The following KIAA1217 variants were observed in gnomAD, a reference collection of about 807,000 sequenced individuals.
KIAA1217 encodes the protein sickle tail protein homolog.
In KIAA1217, 88 loss-of-function variants were observed where a neutral mutation model predicts 163.9. The ratio of observed to expected loss-of-function variants is 0.54; its 90% CI spans 0.45 to 0.64. The LOEUF (loss-of-function observed/expected upper bound fraction) is 0.64. KIAA1217 is among the 30% of genes least tolerant of loss of function. The pLI is 0.00. For synonymous variants in KIAA1217, 903 were observed against 923.1 expected, an observed-to-expected ratio of 0.98 and a Z score of 0.39; for missense variants, 2,372 against 2,475.0, an observed-to-expected ratio of 0.96 and a Z score of 0.88.
intron 5 of KIAA1217, among the ~76,000 whole-genome samples, chr10:24,470,299 C>T (rs1417461350): frequency 6.6e-6 from 1 of 152,172 alleles, no homozygotes; most frequent in Non-Finnish European, 1.5e-5. Flanking sequence ...GGTTGCCCAG[C>T]CTCCCTGGAA....
intron 2 of KIAA1217, among the ~76,000 whole-genome samples, chr10:24,254,467 G>A (rs763372714): frequency 6.6e-6 from 1 of 152,206 alleles, no homozygotes; most frequent in South Asian, 2.1e-4. Flanking sequence ...AAAACAGTTA[G>A]GTGGGTTGGG....
chr10:23,839,242 C>T (rs1312308469), intron 1 of KIAA1217, among the ~76,000 whole-genome samples: 1 of 152,064 alleles, frequency 6.6e-6, no homozygotes, highest in Admixed American at 6.6e-5. Flanking sequence ...TGTTTCATGG[C>T]CTGATTAAAT....
At chr10:24,410,091 G>A (rs2057624365) in intron 3 of KIAA1217, among the ~76,000 whole-genome samples, 1 of 149,652 alleles carries the variant, frequency 6.7e-6, no homozygotes, top group Non-Finnish European at 1.5e-5. Context: ...CCGCCTCCCG[G>A]GTTCAAGCGA....
At position 24,524,517 on chromosome 10, in the gene KIAA1217, T is replaced by A; in HGVS notation, c.2651T>A (p.Val884Asp). ...SEVVPLSGMM[V>D]RHAQSSPVVI... is the part of the protein sequence containing the mutation. The stretch of plus-strand genomic sequence containing the variant: ...GTGGTGCCTTTGTCCGGCATGATGG[T>A]TCGCCACGCGCAGAGCTCCCCTGTG... The change falls in exon 13 of 21, where the codon GTT (valine) becomes GAT (aspartate). Residue 884 changes from valine to aspartate, a missense_variant. Transcript: ENST00000376454. The A allele has an allele frequency of 6.2e-7, 1 of 1,614,094 alleles. No individual in the cohort carries two copies. The highest frequency in any genetic ancestry group is 1.3e-5 in the African/African-American group (1 of 75,044).
At chr10:24,127,040 T>A (rs1474228342) in intron 2 of KIAA1217, among the ~76,000 whole-genome samples, 1 of 152,162 alleles carries the variant, frequency 6.6e-6, no homozygotes, top group Non-Finnish European at 1.5e-5. Flanking sequence ...TATTTCTAAG[T>A]GGTTATAGTA....
intron 2 of KIAA1217, among the ~76,000 whole-genome samples, chr10:24,137,068 T>A (rs1244895131): frequency 1.3e-5 from 2 of 152,232 alleles, no homozygotes; most frequent in Non-Finnish European, 2.9e-5. Context: ...ACTCATTTAA[T>A]ACGTAAATTC....
At chr10:23,710,417 A>G (rs78703985) in intron 1 of KIAA1217, among the ~76,000 whole-genome samples, 8,919 of 152,270 alleles carry the variant, frequency 0.059, 734 homozygotes, top group African/African-American at 0.18. Flanking sequence ...ATTGATTTAA[A>G]TCTTCAGTTA....
chr10:23,844,616 C>T (rs971662711), intron 1 of KIAA1217, among the ~76,000 whole-genome samples: 1 of 152,054 alleles, frequency 6.6e-6, no homozygotes, highest in Non-Finnish European at 1.5e-5. Flanking sequence ...TTCTCTATCT[C>T]TTTTGTTCCT....
intron 1 of KIAA1217, among the ~76,000 whole-genome samples, chr10:23,911,709 T>G (rs1359792512): frequency 6.6e-6 from 1 of 152,178 alleles, no homozygotes; most frequent in Non-Finnish European, 1.5e-5. Context: ...TGGCCTTGCC[T>G]TTTTTCAAGG....
chr10:23,738,531 C>G (rs1838932934), intron 1 of KIAA1217, among the ~76,000 whole-genome samples: 1 of 152,040 alleles, frequency 6.6e-6, no homozygotes, highest in Admixed American at 6.6e-5. Context: ...TTACATATTT[C>G]ATTTTCTTGT....
intron 2 of KIAA1217, 37 bp downstream of exon 2, chr10:24,219,946 C>G (rs772083160): frequency 1.3e-6 from 2 of 1,541,436 alleles, no homozygotes; most frequent in South Asian, 2.6e-5. Flanking sequence ...GTGTAGCTCG[C>G]TCTCTAATGA....
intron 2 of KIAA1217, among the ~76,000 whole-genome samples, chr10:24,269,128 G>C (rs533189684): frequency 1.8e-4 from 26 of 146,212 alleles, no homozygotes; most frequent in African/African-American, 5.4e-4. Context: ...GTTAGTGGGT[G>C]CAGCGCACCA....
intron 1 of KIAA1217, among the ~76,000 whole-genome samples, chr10:23,725,905 C>G (rs938768564): frequency 2.0e-5 from 3 of 152,138 alleles, no homozygotes; most frequent in Non-Finnish European, 4.4e-5. Flanking sequence ...CACCTTTGTG[C>G]CCTCTTGTTT....
At chr10:24,297,305 T>C (rs1256768749) in intron 2 of KIAA1217, among the ~76,000 whole-genome samples, 1 of 152,188 alleles carries the variant, frequency 6.6e-6, no homozygotes, top group Non-Finnish European at 1.5e-5. Flanking sequence ...AATTGCATGC[T>C]TAGTGGTCTG....
chr10:24,187,385 C>G (rs1167295149), intron 2 of KIAA1217, among the ~76,000 whole-genome samples: 1 of 152,168 alleles, frequency 6.6e-6, no homozygotes, highest in Non-Finnish European at 1.5e-5. Context: ...TTCAGAGGGT[C>G]CGGCTTCCAA....
At chr10:23,727,066 C>T (rs996873293) in intron 1 of KIAA1217, among the ~76,000 whole-genome samples, 1 of 139,392 alleles carries the variant, frequency 7.2e-6, no homozygotes, top group African/African-American at 2.7e-5. Context: ...TGGCTCACTG[C>T]AAGCTCTGCC....
chr10:23,921,709 T>C lies in KIAA1217; in HGVS notation c.-320-85516T>C, dbSNP rs576149863. Among the ~76,000 whole-genome samples, 8 of 152,276 alleles carry C rather than the reference T, an allele frequency of 5.3e-5. No homozygotes were observed. The South Asian group carries it at 1.7e-3, about 32-fold the overall frequency. On this transcript the variant is annotated intron_variant, in intron 1 of 18. Transcript: ENST00000376462. ...GGATGAGCAGGTGCACCCCCCTGGCTGTTTGGTTGCAGGTTAGTGCCCATT... is the reference window on the plus strand; with the variant it reads ...GGATGAGCAGGTGCACCCCCCTGGCCGTTTGGTTGCAGGTTAGTGCCCATT...
intron 1 of KIAA1217, among the ~76,000 whole-genome samples, chr10:23,916,561 A>C (rs901670885): frequency 6.6e-6 from 1 of 152,234 alleles, no homozygotes; most frequent in Non-Finnish European, 1.5e-5. Flanking sequence ...ATAAATACAT[A>C]GTACCTTTCA....
intron 3 of KIAA1217, among the ~76,000 whole-genome samples, chr10:24,402,227 T>C (rs2056605270): frequency 6.6e-6 from 1 of 152,004 alleles, no homozygotes. Flanking sequence ...AAACGAGTGG[T>C]CAGGCGCAGT....
Sources: gnomAD v4.1 joint callset for allele counts (sites outside exome capture counted in the v4.1 genomes callset) on GRCh38, gnomAD v4.1.1 for gene constraint, MANE v1.5 for transcripts, NCBI Gene and HGNC (gene_info 2026-07-23, HGNC 2026-07-21) for gene names.